Variants in ABHD4 observed in about 807,000 individuals in gnomAD.
ABHD4 encodes the protein abhydrolase domain containing 4, N-acyl phospholipase B.
A neutral mutation model predicts 42.3 loss-of-function variants in ABHD4; 35 were observed. The ratio of observed to expected loss-of-function variants is 0.83; its 90% confidence interval spans 0.63 to 1.10. The LOEUF is 1.10. Among genes scored for constraint, ABHD4 ranks in the 50% least tolerant of loss-of-function variants. ABHD4 has a pLI of 0.00. For missense variants in ABHD4, 389 were observed against 454.8 expected (o/e 0.86, Z 1.32); for synonymous variants, 169 against 170.6 (o/e 0.99, Z 0.07).
chr14:22,605,233 C>T (rs909035764), intron 4 of ABHD4, among the ~76,000 whole-genome samples: 1 of 152,174 alleles, frequency 6.6e-6, no homozygotes, highest in African/African-American at 2.4e-5. Flanking sequence ...CTGCCAGCAC[C>T]CTTCTCCGCT....
intron 2 of ABHD4, among the ~76,000 whole-genome samples, chr14:22,602,355 C>T (rs1010766259): frequency 1.3e-5 from 2 of 152,208 alleles, no homozygotes; most frequent in African/African-American, 4.8e-5. Flanking sequence ...ATGATCTTCA[C>T]CACACCCCTA....
intron 5 of ABHD4, 84 bp from the exon 6 acceptor site, chr14:22,609,640 A>G: frequency 7.0e-7 from 1 of 1,429,460 alleles, no homozygotes; most frequent in Non-Finnish European, 9.6e-7. Context: ...TACAAAGGTG[A>G]CTAAGATTCT....
In ABHD4 at chr14:22,611,165, A is replaced by G. The variant is rs541755779; in HGVS notation, c.*217A>G. 363 of 555,410 alleles carry G rather than the reference A, an allele frequency of 6.5e-4. 3 individuals carry two copies. Among genetic ancestry groups the G allele is most frequent in the South Asian group, 2.0e-3 (97 of 47,490 alleles). The allele number at this position is 555,410 out of a possible 1,614,324, so 34.4% of individuals were successfully genotyped here. A position where few individuals can be genotyped will look rare whatever the true frequency, so the allele number is the denominator to read the frequency against. ...ACAAGAGGCCTTGAGTGCCACCCCC[A>G]GGGAAGAACATAAAGGGTTGCACAA... On this transcript the variant is annotated 3_prime_UTR_variant, in exon 7 of 7. Transcript: ENST00000428304.
At position 22,604,045 on chromosome 14, in the gene ABHD4, T is replaced by G. The variant is rs1286643388; in HGVS notation, c.606T>G (p.Asn202Lys). The change falls in exon 4 of 7, where the codon AAT becomes AAG. Residue 202 changes from asparagine to lysine, a missense_variant. Asn to Lys is a moderately conservative substitution (Grantham distance 94). Transcript: ENST00000428304. ...KAVASVLGRSNPLAVLRVAGP... is the reference protein window; with the variant it reads ...KAVASVLGRSKPLAVLRVAGP... The stretch of plus-strand genomic sequence containing the variant: ...TGGCATCTGTCCTAGGACGTTCCAA[T>G]CCATTGGCTGTTCTTCGAGTAGCTG... 6.2e-7 allele frequency: 1 copy of G among 1,614,156 alleles called. No individual in the cohort carries two copies. Among genetic ancestry groups the G allele is most frequent in the Non-Finnish European group, 8.5e-7 (1 of 1,180,016 alleles).
Position 22,603,635 on chromosome 14 carries a change from G to T in ABHD4, c.358G>T (p.Ala120Ser). The change falls in exon 3 of 7, where the codon GCT (alanine) becomes TCT (serine). Residue 120 changes from alanine (A) to serine (S), a missense_variant. Transcript: ENST00000428304. The stretch of plus-strand genomic sequence containing the variant: ...AGCATTCCCAAGGGACCCGGAGGGG[G>T]CTGAGGATGAGTTTGTGACATCGAT... ...RPAFPRDPEGAEDEFVTSIET... is the reference protein window; with the variant it reads ...RPAFPRDPEGSEDEFVTSIET... The T allele has an allele frequency of 1.9e-6, 3 of 1,614,148 alleles. No individual in the cohort carries two copies. The highest frequency in any genetic ancestry group is 2.5e-6 in the Non-Finnish European group (3 of 1,180,018).
chr14:22,601,448 A>T (rs745840897), intron 1 of ABHD4, among the ~76,000 whole-genome samples: 1 of 152,220 alleles, frequency 6.6e-6, no homozygotes, highest in African/African-American at 2.4e-5. Context: ...GATGTTCTGA[A>T]TATCTATTGA....
At position 22,603,422 on chromosome 14, in the gene ABHD4, T is replaced by A. The variant is rs200111350; in HGVS notation, c.145T>A (p.Ser49Thr). 13 of 1,613,432 alleles carry A rather than the reference T, an allele frequency of 8.1e-6. No homozygotes were observed. The highest frequency in any genetic ancestry group is 1.1e-5 in the Non-Finnish European group (13 of 1,179,804). ...LQNKFLARYV[S>T]LPNQNKIWTV... ...GAATAAGTTCCTGGCCAGATATGTA[T>A]CCCTCCCAAACCAGAATAAGATCTG... The change falls in exon 3 of 7, where the codon TCC becomes ACC. Residue 49 changes from serine (S) to threonine (T), a missense_variant. Physicochemically the swap from Ser to Thr is moderately conservative, Grantham distance 58. This residue lies in a region of ABHD4 where 102 missense variants were observed against 128.3 expected (regional missense o/e 0.80). Coordinates refer to ENST00000428304, the MANE Select transcript of ABHD4 (RefSeq NM_022060.3).
rs1262139772 is a variant in ABHD4 at position 22,611,804 on chromosome 14, C to G, written c.*856C>G. The G allele has an allele frequency of 6.5e-6, 1 of 153,238 alleles. No homozygotes were observed. Among genetic ancestry groups the G allele is most frequent in the African/African-American group, 2.4e-5 (1 of 41,468 alleles). 9.5% of individuals were successfully genotyped at this position (153,238 alleles called of 1,614,324 possible). On this transcript the variant is annotated 3_prime_UTR_variant, in exon 7 of 7. Coordinates refer to ENST00000428304, the MANE Select transcript of ABHD4 (RefSeq NM_022060.3). Reference sequence around the variant, plus strand: ...CTAAGCTAGGGACACTCAAGTGCTTCCTTCCTTGCCCCATCTTCCTCCCAA... The same window carrying G: ...CTAAGCTAGGGACACTCAAGTGCTTGCTTCCTTGCCCCATCTTCCTCCCAA...
chr14:22,609,876 A>C lies in ABHD4; in HGVS notation c.905A>C (p.Lys302Thr). The C allele has an allele frequency of 6.2e-7, 1 of 1,614,104 alleles. No homozygotes were observed. ...WIDTSTGKKV[K>T]MQRPDSYVRD... ...GATACCAGTACGGGAAAAAAGGTGAAGATGCAGCGGCCGGATTCCTATGTC... is the reference window on the plus strand; with the variant it reads ...GATACCAGTACGGGAAAAAAGGTGACGATGCAGCGGCCGGATTCCTATGTC... The change falls in exon 6 of 7, where the codon AAG becomes ACG. Residue 302 changes from lysine to threonine, a missense_variant. Transcript: ENST00000428304.
chr14:22,601,861 T>C, intron 2 of ABHD4, 106 bp downstream of exon 2: 1 of 972,658 alleles, frequency 1.0e-6, no homozygotes, highest in Non-Finnish European at 1.6e-6. Context: ...TAATTAACAG[T>C]GTGTATGGGG....
intron 1 of ABHD4, among the ~76,000 whole-genome samples, chr14:22,600,689 A>C (rs943553655): frequency 1.3e-5 from 2 of 152,158 alleles, no homozygotes; most frequent in African/African-American, 4.8e-5. Context: ...AATAATACAA[A>C]CTGTCATTCA....
intron 1 of ABHD4, among the ~76,000 whole-genome samples, chr14:22,600,808 CTA>C (rs2139261837): frequency 6.6e-6 from 1 of 150,440 alleles, no homozygotes; most frequent in African/African-American, 2.5e-5. Context: ...AATGATAACA[CTA>C]TGATTCACGT....
chr14:22,606,397 T>A (rs770017824), intron 4 of ABHD4, 25 bp from the exon 5 acceptor site: 3 of 1,577,322 alleles, frequency 1.9e-6, no homozygotes, highest in Non-Finnish European at 2.6e-6. Context: ...AATTGGCCTG[T>A]CTGTGTTTTT....
Position 22,601,706 on chromosome 14 carries a change from C to T in ABHD4, c.63C>T (p.Arg21=), listed in dbSNP as rs370148419. 3 of 1,614,152 alleles carry T rather than the reference C, an allele frequency of 1.9e-6. No homozygotes were observed. The highest frequency in any genetic ancestry group is 1.7e-5 in the Admixed American group (1 of 60,012). ...GWLSSWLPTW[R]PTSMSQLKNV... ...TGAGTAGCTGGCTGCCCACGTGGCG[C>T]CCCACTTCCATGTCTCAGCTGAAGA... Residue 21 remains arginine, a synonymous_variant, in exon 2 of 7, where the codon CGC becomes CGT. Transcript: ENST00000428304.
Position 22,609,837 on chromosome 14 carries a change from C to T in ABHD4, c.866C>T (p.Ser289Phe). The change falls in exon 6 of 7, where the codon TCC becomes TTC. Residue 289 changes from serine to phenylalanine, a missense_variant. This residue lies in a region of ABHD4 where 249 missense variants were observed against 254.4 expected (regional missense o/e 0.98). Transcript: ENST00000428304. Reference protein sequence around the residue: ...KDVPITMIYGSDTWIDTSTGK... With the variant: ...KDVPITMIYGFDTWIDTSTGK... ...GTGCCTATCACTATGATCTACGGGTCCGACACCTGGATAGATACCAGTACG... is the reference window on the plus strand; with the variant it reads ...GTGCCTATCACTATGATCTACGGGTTCGACACCTGGATAGATACCAGTACG... The T allele has an allele frequency of 6.2e-7, 1 of 1,614,064 alleles. No individual in the cohort carries two copies. The highest frequency in any genetic ancestry group is 8.5e-7 in the Non-Finnish European group (1 of 1,180,028).
intron 4 of ABHD4, 98 bp downstream of exon 4, chr14:22,604,177 A>G (rs997532010): frequency 2.2e-6 from 3 of 1,386,756 alleles, no homozygotes; most frequent in Admixed American, 2.1e-5. Flanking sequence ...AAATTGGCCT[A>G]GCCTTGTTAT....
chr14:22,609,143 G>A (rs1037147426), intron 5 of ABHD4, among the ~76,000 whole-genome samples: 1 of 151,346 alleles, frequency 6.6e-6, no homozygotes, highest in Non-Finnish European at 1.5e-5. Flanking sequence ...GATTACAGAA[G>A]CGCACCACCA....
Position 22,603,963 on chromosome 14 carries a change from C to T in ABHD4, c.524C>T (p.Pro175Leu), listed in dbSNP as rs1473807100. The T allele has an allele frequency of 6.2e-7, 1 of 1,614,098 alleles. No homozygotes were observed. Among genetic ancestry groups the T allele is most frequent in the East Asian group, 2.2e-5 (1 of 44,890 alleles). ...ATCCTGGTGGACCCATGGGGCTTTCCCCTCCGACCAACTAACCCCAGTGAG... is the reference window on the plus strand; with the variant it reads ...ATCCTGGTGGACCCATGGGGCTTTCTCCTCCGACCAACTAACCCCAGTGAG... ...HLILVDPWGF[P>L]LRPTNPSEIR... The change falls in exon 4 of 7, where the codon CCC becomes CTC. Residue 175 changes from proline (P) to leucine (L), a missense_variant. Pro to Leu is a moderately conservative substitution (Grantham distance 98, BLOSUM62 -3). This residue lies in a region of ABHD4 where 249 missense variants were observed against 254.4 expected (regional missense o/e 0.98). Coordinates refer to ENST00000428304, the MANE Select transcript of ABHD4 (RefSeq NM_022060.3).
intron 5 of ABHD4, among the ~76,000 whole-genome samples, chr14:22,606,999 T>G (rs1416445074): frequency 6.6e-6 from 1 of 152,218 alleles, no homozygotes; most frequent in Non-Finnish European, 1.5e-5. Flanking sequence ...ACATAGCACA[T>G]GTACCATTTC....
Sources: allele counts gnomAD v4.1 joint callset (sites outside exome capture counted in the v4.1 genomes callset), GRCh38; gene constraint gnomAD v4.1.1; regional missense constraint gnomAD v4.1.1; transcripts MANE v1.5; gene names NCBI Gene and HGNC (gene_info 2026-07-23, HGNC 2026-07-21).